The following MTCL2 variants were observed in gnomAD, a reference collection of about 807,000 sequenced individuals.
MTCL2 encodes microtubule cross-linking factor 2.
the MTCL2 span, among the ~76,000 whole-genome samples, chr20:36,861,091 A>G: frequency 6.6e-6 from 1 of 152,206 alleles, no homozygotes; most frequent in Non-Finnish European, 1.5e-5. Flanking sequence ...CAGAGTGAGT[A>G]GCAGGAACCG....
chr20:36,862,581 C>T, the MTCL2 span: 1 of 1,342,648 alleles, frequency 7.4e-7, no homozygotes, highest in Non-Finnish European at 9.7e-7. Flanking sequence ...GAAGGAGGGC[C>T]GGCTGGTGCC....
At chr20:36,783,944 G>C in the MTCL2 span, 1 of 985,524 alleles carries the variant, frequency 1.0e-6, no homozygotes, top group African/African-American at 1.7e-5. Flanking sequence ...GAACAGTGAT[G>C]AGTGGCCTTG....
At chr20:36,810,722 C>CTCTT in the MTCL2 span, among the ~76,000 whole-genome samples, 1 of 127,560 alleles carries the variant, frequency 7.8e-6, no homozygotes, top group African/African-American at 3.9e-5. Context: ...CTCTCCCTCT[C>CTCTT]TCTCTCTCTC....
chr20:36,812,903 G>C, the MTCL2 span: 3 of 1,559,388 alleles, frequency 1.9e-6, no homozygotes, highest in Middle Eastern at 2.1e-4. Context: ...GGGCCCGAGG[G>C]GTGCCAGAAA....
chr20:36,835,678 C>T, the MTCL2 span, among the ~76,000 whole-genome samples: 1 of 152,208 alleles, frequency 6.6e-6, no homozygotes, highest in African/African-American at 2.4e-5. Context: ...AGGTGTCCAT[C>T]CAGCTCAGGC....
At chr20:36,819,159 C>T in the MTCL2 span, among the ~76,000 whole-genome samples, 1 of 152,052 alleles carries the variant, frequency 6.6e-6, no homozygotes, top group East Asian at 1.9e-4. Flanking sequence ...ATAACAATTA[C>T]TGAAATTTCT....
chr20:36,800,325 T>C, the MTCL2 span, among the ~76,000 whole-genome samples: 1 of 152,250 alleles, frequency 6.6e-6, no homozygotes, highest in East Asian at 1.9e-4. Flanking sequence ...ATTATTCTTT[T>C]ATAGACAGGA....
chr20:36,857,791 T>C, the MTCL2 span, among the ~76,000 whole-genome samples: 1 of 152,228 alleles, frequency 6.6e-6, no homozygotes, highest in African/African-American at 2.4e-5. Context: ...TGGGGAAATA[T>C]GTGTTGAATG....
chr20:36,836,967 TC>T, the MTCL2 span, among the ~76,000 whole-genome samples: 1 of 152,320 alleles, frequency 6.6e-6, no homozygotes, highest in Non-Finnish European at 1.5e-5. Flanking sequence ...CAAAGGTTTT[TC>T]TTTTATATTC....
At chr20:36,798,775 A>T in the MTCL2 span, among the ~76,000 whole-genome samples, 1 of 152,084 alleles carries the variant, frequency 6.6e-6, no homozygotes, top group Non-Finnish European at 1.5e-5. Flanking sequence ...TCCTGACTCC[A>T]TCCGTTAACA....
chr20:36,793,771 G>T, the MTCL2 span: 2 of 1,541,126 alleles, frequency 1.3e-6, no homozygotes, highest in African/African-American at 2.7e-5. This position sits in a 1 kb window ranked among gnomAD's most constrained non-coding sequence, Gnocchi z 6.8. Flanking sequence ...AGCCATACTT[G>T]GGGGAGCAGC....
the MTCL2 span, among the ~76,000 whole-genome samples, chr20:36,834,994 T>A: frequency 1.3e-4 from 19 of 145,592 alleles, no homozygotes; most frequent in African/African-American, 5.0e-5. Flanking sequence ...GACCCTGCCT[T>A]AAAAAAAAAA....
the MTCL2 span, chr20:36,815,396 C>T: frequency 1.2e-6 from 2 of 1,612,996 alleles, no homozygotes; most frequent in Non-Finnish European, 1.7e-6. The surrounding 1 kb of genome is among the most constrained non-coding windows in gnomAD (Gnocchi z 5.3). Context: ...CCAGACACAG[C>T]CGGAGGCCAG....
chr20:36,819,610 CAAAA>C, the MTCL2 span, among the ~76,000 whole-genome samples: 1 of 126,124 alleles, frequency 7.9e-6, no homozygotes, highest in Non-Finnish European at 1.7e-5. Flanking sequence ...CAGAATTACT[CAAAA>C]AAAAAAAAAA....
the MTCL2 span, among the ~76,000 whole-genome samples, chr20:36,845,668 A>G: frequency 6.6e-6 from 1 of 152,110 alleles, no homozygotes; most frequent in Admixed American, 6.5e-5. Context: ...TGGGGCTAGG[A>G]GAGGTGCTGC....
the MTCL2 span, among the ~76,000 whole-genome samples, chr20:36,858,115 C>G: frequency 2.0e-5 from 3 of 152,156 alleles, no homozygotes; most frequent in African/African-American, 4.8e-5. Flanking sequence ...GCTCACTGCT[C>G]TGGTCACACT....
the MTCL2 span, chr20:36,796,964 G>T: frequency 6.2e-7 from 1 of 1,613,908 alleles, no homozygotes; most frequent in Non-Finnish European, 8.5e-7. Context: ...TGTCAAGGAA[G>T]AGAGACAGGA....
At chr20:36,857,537 G>A in the MTCL2 span, among the ~76,000 whole-genome samples, 1 of 152,164 alleles carries the variant, frequency 6.6e-6, no homozygotes, top group Non-Finnish European at 1.5e-5. Context: ...GCATTTGTAT[G>A]TGCAAGACAG....
chr20:36,827,877 T>A, the MTCL2 span, among the ~76,000 whole-genome samples: 1 of 152,120 alleles, frequency 6.6e-6, no homozygotes, highest in Admixed American at 6.5e-5. Context: ...TGGTGCTCCG[T>A]GTTATGGGCC....
Sources: allele counts gnomAD v4.1 joint callset (sites outside exome capture counted in the v4.1 genomes callset), GRCh38; gene constraint gnomAD v4.1.1; non-coding constraint Gnocchi (gnomAD v3.1); transcripts MANE v1.5; gene names NCBI Gene and HGNC (gene_info 2026-07-23, HGNC 2026-07-21).